The following MAP4K5 variants were observed in gnomAD, a reference collection of about 807,000 sequenced individuals.
MAP4K5 encodes mitogen-activated protein kinase kinase kinase kinase 5, also known as MAPK/ERK kinase kinase kinase 5.
MAP4K5 carries 82 observed loss-of-function variants against 135.6 expected under a neutral mutation model. The observed-to-expected ratio is 0.60, with a 90% CI of 0.51 to 0.73. The LOEUF is 0.73. Among genes scored for constraint, MAP4K5 ranks in the 30% least tolerant of loss-of-function variants. MAP4K5 has a pLI of 0.00. For missense variants in MAP4K5, 907 were observed against 1,010.9 expected (o/e 0.90, Z 1.39); for synonymous variants, 347 against 335.0 (o/e 1.04, Z -0.39).
At chr14:50,494,448 G>A in intron 3 of MAP4K5, among the ~76,000 whole-genome samples, 1 of 151,976 alleles carries the variant, frequency 6.6e-6, no homozygotes, top group South Asian at 2.1e-4. Flanking sequence ...TTACAAGCGT[G>A]AGCCACCGTG....
At chr14:50,451,848 A>G (rs2036494368) in intron 14 of MAP4K5, among the ~76,000 whole-genome samples, 1 of 152,192 alleles carries the variant, frequency 6.6e-6, no homozygotes, top group Non-Finnish European at 1.5e-5. Context: ...CTGGAGACAG[A>G]AACACTTACC....
intron 3 of MAP4K5, among the ~76,000 whole-genome samples, chr14:50,504,277 T>C (rs2037764796): frequency 1.3e-5 from 2 of 152,106 alleles, no homozygotes; most frequent in Admixed American, 6.5e-5. Context: ...TAGAAACTTT[T>C]AGGATATCAA....
intron 5 of MAP4K5, among the ~76,000 whole-genome samples, chr14:50,485,130 T>A (rs80340933): frequency 0.013 from 2,011 of 152,212 alleles, 16 homozygotes; most frequent in Middle Eastern, 0.041. Flanking sequence ...TAAATTAATA[T>A]GAATACTAAA....
chr14:50,501,939 C>T (rs913805313), intron 3 of MAP4K5, among the ~76,000 whole-genome samples: 2 of 151,944 alleles, frequency 1.3e-5, no homozygotes, highest in Non-Finnish European at 2.9e-5. Context: ...CAGAGCTTGG[C>T]GTATATTAGG....
chr14:50,510,172 C>T (rs2037901674), intron 2 of MAP4K5, among the ~76,000 whole-genome samples: 1 of 152,182 alleles, frequency 6.6e-6, no homozygotes, highest in Non-Finnish European at 1.5e-5. Context: ...CTCCATTCTT[C>T]TCGGTTACCA....
At chr14:50,474,926 G>C (rs2356251) in intron 9 of MAP4K5, 151 bp downstream of exon 9, 29,583 of 621,814 alleles carry the variant, frequency 0.048, 1,052 homozygotes, top group Admixed American at 0.15. Context: ...GAGCATCAAA[G>C]TTCCCTAACC....
At chr14:50,436,757 A>G (rs535011036) in intron 26 of MAP4K5, among the ~76,000 whole-genome samples, 1 of 152,226 alleles carries the variant, frequency 6.6e-6, no homozygotes, top group East Asian at 1.9e-4. Flanking sequence ...TCTGCCACAT[A>G]CCAATGCTGG....
In MAP4K5 at chr14:50,524,239, T is replaced by C. The variant is rs113150775; in HGVS notation, c.108+7703A>G. 1.2e-4 allele frequency among the ~76,000 whole-genome samples: 18 copies of C among 152,284 alleles called. 1 individual carries two copies. The highest frequency in any genetic ancestry group is 4.3e-4 in the African/African-American group (18 of 41,550). On this transcript the variant is annotated intron_variant, in intron 2 of 32. Coordinates refer to ENST00000682126, the MANE Select transcript of MAP4K5 (RefSeq NM_006575.6). ...CCTGAAACAAGAAGAAACATTTGTG[T>C]GCCTCATTTCTCTTTCCTGTCATAG...
At chr14:50,508,085 C>T (rs1595527171) in intron 2 of MAP4K5, among the ~76,000 whole-genome samples, 1 of 152,042 alleles carries the variant, frequency 6.6e-6, no homozygotes, top group African/African-American at 2.4e-5. Context: ...TGAATTGATC[C>T]CTTTACCATT....
rs1398627503 is a variant in MAP4K5 at position 50,428,697 on chromosome 14, G to A, written c.2291C>T (p.Ser764Phe). 2.0e-6 allele frequency: 3 copies of A among 1,520,814 alleles called. No homozygotes were observed. Among genetic ancestry groups the A allele is most frequent in the Non-Finnish European group, 2.6e-6 (3 of 1,138,444 alleles). The allele number at this position is 1,520,814 out of a possible 1,614,324, so 94.2% of individuals were successfully genotyped here. The change falls in exon 30 of 33, where the codon TCT (serine) becomes TTT (phenylalanine). Residue 764 changes from serine to phenylalanine, a missense_variant. Ser to Phe is a radical substitution (Grantham distance 155). Transcript: ENST00000682126. ...AATGCGAAAATCAAAACTTAACTCA[G>A]AGGCCAGTTTCTTACTTGATTTTAA... ...GKLKSSKKLASELSFDFRIES... is the reference protein window; with the variant it reads ...GKLKSSKKLAFELSFDFRIES...
At chr14:50,456,165 A>C (rs1478554444) in intron 14 of MAP4K5, 7 of 285,542 alleles carry the variant, frequency 2.5e-5, no homozygotes, top group Non-Finnish European at 4.7e-5. Context: ...GCATAGCATA[A>C]ATTCAGCCAT....
intron 2 of MAP4K5, among the ~76,000 whole-genome samples, chr14:50,518,354 T>G (rs149320404): frequency 6.6e-6 from 1 of 152,152 alleles, no homozygotes; most frequent in African/African-American, 2.4e-5. Context: ...CCATGGTGGT[T>G]TGCTGCACCT....
At chr14:50,462,221 C>G (rs190060798) in intron 13 of MAP4K5, among the ~76,000 whole-genome samples, 69 of 152,246 alleles carry the variant, frequency 4.5e-4, no homozygotes, top group African/African-American at 1.6e-3. Flanking sequence ...GCTCTTAAAA[C>G]CTTTATTTCC....
intron 3 of MAP4K5, among the ~76,000 whole-genome samples, chr14:50,492,802 A>C (rs1001914442): frequency 1.3e-5 from 2 of 152,042 alleles, no homozygotes; most frequent in African/African-American, 4.8e-5. Flanking sequence ...AACTAAAAAT[A>C]ATTGTTTTAT....
rs5808556 is a variant in MAP4K5 at position 50,528,402 on chromosome 14, TAAA to T, written c.108+3537_108+3539del. On this transcript the variant is annotated intron_variant, in intron 2 of 32. Coordinates refer to ENST00000682126, the MANE Select transcript of MAP4K5 (RefSeq NM_006575.6). ...TCTGCTTCAAAAGATACCTAAGGTG[TAAA>T]AAAAAAAAAAAAAAAAAAGGCAGGG... 1.3e-3 allele frequency among the ~76,000 whole-genome samples: 142 copies of T among 107,012 alleles called. 4 individuals are homozygous for T. In the East Asian group the frequency reaches 0.025, roughly 19 times the overall value. The allele number at this position is 107,012 out of a possible 152,430, so 70.2% of individuals were successfully genotyped here.
intron 11 of MAP4K5, among the ~76,000 whole-genome samples, chr14:50,465,438 T>A (rs2036810079): frequency 6.6e-6 from 1 of 152,186 alleles, no homozygotes; most frequent in Admixed American, 6.5e-5. Context: ...ATTAACCAAT[T>A]GATGACATCT....
Position 50,462,700 on chromosome 14 carries a change from C to A in MAP4K5, c.901G>T (p.Ala301Ser). 1 of 1,605,472 alleles carries A rather than the reference C, an allele frequency of 6.2e-7. No homozygotes were observed. The highest frequency in any genetic ancestry group is 8.5e-7 in the Non-Finnish European group (1 of 1,177,264). ...TCGTCATCTGCTTCAGTGTAATGTG[C>A]GTGGTTATCTGGATTGTTCACTTTG... ...LDKVNNPDNHAHYTEADDDDF... is the reference protein window; with the variant it reads ...LDKVNNPDNHSHYTEADDDDF... Residue 301 changes from alanine (A) to serine (S), a missense_variant, in exon 13 of 33, where the codon GCA (alanine) becomes TCA (serine). Physicochemically the swap from Ala to Ser is moderately conservative, Grantham distance 99. Transcript: ENST00000682126.
At chr14:50,528,254 A>G (rs1038369008) in intron 2 of MAP4K5, among the ~76,000 whole-genome samples, 3 of 152,146 alleles carry the variant, frequency 2.0e-5, no homozygotes, top group Non-Finnish European at 2.9e-5. Context: ...AACAGCCAAT[A>G]TAAGATTGAA....
At chr14:50,436,538 G>A (rs965279980) in intron 26 of MAP4K5, among the ~76,000 whole-genome samples, 2 of 151,716 alleles carry the variant, frequency 1.3e-5, no homozygotes, top group Non-Finnish European at 2.9e-5. Context: ...CAGCAAGGTG[G>A]TCAATCAATC....
Sources: gnomAD v4.1 joint callset for allele counts (sites outside exome capture counted in the v4.1 genomes callset) on GRCh38, gnomAD v4.1.1 for gene constraint, MANE v1.5 for transcripts, NCBI Gene and HGNC (gene_info 2026-07-23, HGNC 2026-07-21) for gene names.